Variants in MINDY3 observed in about 807,000 individuals in gnomAD.
MINDY3 encodes the protein MINDY lysine 48 deubiquitinase 3, also known as ubiquitin carboxyl-terminal hydrolase MINDY-3.
A neutral mutation model predicts 69.2 loss-of-function variants in MINDY3; 38 were observed. That is an observed-to-expected ratio of 0.55 (90% CI 0.42 to 0.72). MINDY3 has a LOEUF of 0.72. Among genes scored for constraint, MINDY3 ranks in the 30% least tolerant of loss-of-function variants. The probability of loss-of-function intolerance (pLI) is 0.00; values close to 1 mark genes in which losing one functional copy is unlikely to be tolerated. For synonymous variants in MINDY3, 192 were observed against 180.1 expected (o/e 1.07, Z -0.53); for missense variants, 522 against 519.0 (o/e 1.01, Z -0.06).
intron 1 of MINDY3, among the ~76,000 whole-genome samples, chr10:15,850,783 A>C (rs1834226824): frequency 1.3e-5 from 2 of 151,966 alleles, no homozygotes; most frequent in African/African-American, 4.8e-5. Context: ...ATTGCCCTTA[A>C]AGCATGTGAT....
chr10:15,818,660 G>A (rs373783020), intron 9 of MINDY3, among the ~76,000 whole-genome samples: 4 of 152,060 alleles, frequency 2.6e-5, no homozygotes, highest in African/African-American at 9.7e-5. Flanking sequence ...TCATAAAAAG[G>A]AATGAAATAC....
intron 14 of MINDY3, among the ~76,000 whole-genome samples, chr10:15,781,493 A>G (rs1208169439): frequency 6.6e-6 from 1 of 151,802 alleles, no homozygotes; most frequent in Non-Finnish European, 1.5e-5. Context: ...GGGGAAATCA[A>G]TGCAGCCGAA....
intron 10 of MINDY3, among the ~76,000 whole-genome samples, chr10:15,811,308 TTCA>T (rs1308864926): frequency 1.3e-5 from 2 of 152,170 alleles, no homozygotes; most frequent in Non-Finnish European, 2.9e-5. Flanking sequence ...CTATACTACT[TTCA>T]TCATATTTAA....
chr10:15,834,842 G>T (rs1832968426), intron 6 of MINDY3, among the ~76,000 whole-genome samples: 1 of 151,878 alleles, frequency 6.6e-6, no homozygotes, highest in African/African-American at 2.4e-5. Context: ...AACACTCATG[G>T]GTGAAATATG....
intron 13 of MINDY3, among the ~76,000 whole-genome samples, chr10:15,784,353 C>G (rs1836787522): frequency 6.6e-6 from 1 of 152,170 alleles, no homozygotes; most frequent in South Asian, 2.1e-4. Flanking sequence ...TCCACAGGAC[C>G]TACTTGAAGC....
chr10:15,803,852 C>T (rs561905818), intron 10 of MINDY3, among the ~76,000 whole-genome samples: 13 of 152,176 alleles, frequency 8.5e-5, no homozygotes, highest in South Asian at 2.1e-4. Context: ...AAAAACCCCA[C>T]GAATGATAAT....
chr10:15,847,531 C>T (rs888809332), intron 2 of MINDY3, among the ~76,000 whole-genome samples: 1 of 152,042 alleles, frequency 6.6e-6, no homozygotes, highest in African/African-American at 2.4e-5. Context: ...AGTACAATTA[C>T]AGTGATTGTA....
intron 1 of MINDY3, among the ~76,000 whole-genome samples, chr10:15,856,183 T>C (rs982509249): frequency 1.3e-5 from 2 of 152,186 alleles, no homozygotes; most frequent in East Asian, 1.9e-4. Context: ...TTTGATAAAA[T>C]AGTAAATCAC....
chr10:15,795,071 T>C (rs1837711389), intron 11 of MINDY3, among the ~76,000 whole-genome samples: 1 of 151,302 alleles, frequency 6.6e-6, no homozygotes, highest in African/African-American at 2.5e-5. Flanking sequence ...AACGATTACA[T>C]GAAAGCCATG....
chr10:15,801,841 G>A (rs1173093425), intron 10 of MINDY3, among the ~76,000 whole-genome samples: 1 of 151,826 alleles, frequency 6.6e-6, no homozygotes, highest in Non-Finnish European at 1.5e-5. Context: ...GAGCCAATCA[G>A]AGTAAAGGGT....
Position 15,831,732 on chromosome 10 carries a change from G to A in MINDY3, c.730+1898C>T, listed in dbSNP as rs529364378. Among the ~76,000 whole-genome samples, 75 of 143,620 alleles carry A rather than the reference G, an allele frequency of 5.2e-4. 2 individuals are homozygous for A. In the Admixed American group the frequency reaches 5.4e-3, roughly 10 times the overall value. 94.2% of individuals were successfully genotyped at this position (143,620 alleles called of 152,430 possible). On this transcript the variant is annotated intron_variant, in intron 8 of 14. Coordinates refer to ENST00000277632, the MANE Select transcript of MINDY3 (RefSeq NM_024948.4). ...GCTCTATTGCTCAGGCTGGAGTGCC[G>A]TGGCATGATCTCAGCTCACTGCAAC...
chr10:15,846,696 T>A (rs1833867499), intron 2 of MINDY3, among the ~76,000 whole-genome samples: 1 of 152,006 alleles, frequency 6.6e-6, no homozygotes, highest in Non-Finnish European at 1.5e-5. Flanking sequence ...AGAAACAAAT[T>A]TACTTTGTAG....
At chr10:15,839,014 T>C (rs894274357) in intron 4 of MINDY3, among the ~76,000 whole-genome samples, 5 of 151,508 alleles carry the variant, frequency 3.3e-5, no homozygotes, top group South Asian at 2.1e-4. Flanking sequence ...CAAGAGTACA[T>C]AGGATTAAAC....
intron 8 of MINDY3, among the ~76,000 whole-genome samples, chr10:15,825,067 T>C (rs1251303864): frequency 6.6e-6 from 1 of 152,184 alleles, no homozygotes; most frequent in African/African-American, 2.4e-5. Context: ...GTAGGAGACT[T>C]TCTCAATAAG....
At chr10:15,789,203 G>A (rs766565386) in intron 12 of MINDY3, 44 bp downstream of exon 12, 20 of 1,484,992 alleles carry the variant, frequency 1.3e-5, no homozygotes, top group East Asian at 6.8e-5. Flanking sequence ...AAACTTAATC[G>A]AATCTTTTTG....
At position 15,781,888 on chromosome 10, in the gene MINDY3, C is replaced by T. The variant is rs181479690; in HGVS notation, c.1188+267G>A. 4.9e-4 allele frequency among the ~76,000 whole-genome samples: 74 copies of T among 152,258 alleles called. 1 individual carries two copies. The highest frequency in any genetic ancestry group is 6.8e-3 in the Middle Eastern group (2 of 294). ...TAACTACGATGTTGATTTAGAAACA[C>T]GCTACACTGCCAAGGGTAACGATCT... On this transcript the variant is annotated intron_variant, in intron 14 of 14. Coordinates refer to ENST00000277632, the MANE Select transcript of MINDY3 (RefSeq NM_024948.4).
At chr10:15,779,260 G>C in intron 14 of MINDY3, 119 bp from the exon 15 acceptor site, 1 of 733,852 alleles carries the variant, frequency 1.4e-6, no homozygotes, top group Non-Finnish European at 2.0e-6. Context: ...GATGAAACTT[G>C]ACATGTAATT....
chr10:15,818,761 T>C (rs143796369), intron 9 of MINDY3, among the ~76,000 whole-genome samples: 21 of 152,226 alleles, frequency 1.4e-4, no homozygotes, highest in African/African-American at 4.1e-4. Context: ...CATGATTCCA[T>C]TGGTATGAAA....
intron 11 of MINDY3, among the ~76,000 whole-genome samples, chr10:15,790,356 T>C (rs1837316989): frequency 6.6e-6 from 1 of 152,178 alleles, no homozygotes; most frequent in Non-Finnish European, 1.5e-5. Flanking sequence ...ATGAGTCATC[T>C]AGAATAATTA....
Sources: gnomAD v4.1 joint callset for allele counts (sites outside exome capture counted in the v4.1 genomes callset) on GRCh38, gnomAD v4.1.1 for gene constraint, MANE v1.5 for transcripts, NCBI Gene and HGNC (gene_info 2026-07-23, HGNC 2026-07-21) for gene names.